The following TRPM1 variants were observed in gnomAD, a reference collection of about 807,000 sequenced individuals.
The protein encoded by TRPM1 is transient receptor potential cation channel subfamily M member 1.
TRPM1 carries 113 observed loss-of-function variants against 149.4 expected under a neutral mutation model. The observed-to-expected ratio is 0.76, with a 90% confidence interval of 0.65 to 0.88. TRPM1 has a LOEUF of 0.88. Ranked by LOEUF, TRPM1 falls within the 40% of genes least tolerant of loss-of-function variation. TRPM1 has a pLI of 0.00. For synonymous variants in TRPM1, 741 were observed against 759.5 expected, an observed-to-expected ratio of 0.98 and a Z score of 0.40; for missense variants, 1,976 against 2,038.7, an observed-to-expected ratio of 0.97 and a Z score of 0.59.
intron 25 of TRPM1, among the ~76,000 whole-genome samples, chr15:31,027,343 A>T (rs2032820535): frequency 6.6e-6 from 1 of 152,188 alleles, no homozygotes; most frequent in Non-Finnish European, 1.5e-5. Context: ...ATAAATTGCT[A>T]TGTACTGCTT....
chr15:31,141,885 C>A (rs552576951), intron 1 of TRPM1, among the ~76,000 whole-genome samples: 1 of 152,204 alleles, frequency 6.6e-6, no homozygotes, highest in South Asian at 2.1e-4. Flanking sequence ...TATTCAAGGC[C>A]AGTGCCCTGA....
chr15:31,026,839 G>C, intron 26 of TRPM1, 76 bp downstream of exon 26: 2 of 1,495,610 alleles, frequency 1.3e-6, no homozygotes, highest in Non-Finnish European at 1.9e-6. Flanking sequence ...AGTTGAGTGA[G>C]ATTTCTGTGA....
intron 27 of TRPM1, among the ~76,000 whole-genome samples, chr15:31,010,510 C>T (rs145984400): frequency 7.9e-5 from 12 of 152,166 alleles, no homozygotes; most frequent in African/African-American, 2.6e-4. Context: ...TCTAATTTCT[C>T]TTGTGATTTC....
rs1566980886 is a variant in TRPM1 at position 31,001,861 on chromosome 15, C to A, written c.4839G>T (p.Lys1613Asn). 1.2e-6 allele frequency: 2 copies of A among 1,613,416 alleles called. No individual in the cohort carries two copies. The highest frequency in any genetic ancestry group is 2.2e-5 in the South Asian group (2 of 91,012). The change falls in exon 28 of 28, where the codon AAG (lysine) becomes AAT (asparagine). Residue 1613 changes from lysine (K) to asparagine (N), a missense_variant. Physicochemically the swap from Lys to Asn is moderately conservative, Grantham distance 94 (BLOSUM62 0). Transcript: ENST00000256552. ...CTGTGGAAGCTTTCTCTTTCTTAAC[C>A]TTTTTTTCTTCTGCTGTCATTCCAG... ...IVSGMTAEEK[K>N]VKKEKASTET... is the part of the protein sequence containing the mutation.
intron 27 of TRPM1, among the ~76,000 whole-genome samples, chr15:31,010,827 A>C (rs2032158263): frequency 6.6e-6 from 1 of 152,166 alleles, no homozygotes; most frequent in Admixed American, 6.5e-5. Context: ...TTTCTTAATG[A>C]ACTTCTGTCT....
At chr15:31,003,147 A>G (rs1422585111) in intron 27 of TRPM1, 77 bp from the exon 28 acceptor site, 1 of 1,352,466 alleles carries the variant, frequency 7.4e-7, no homozygotes, top group African/African-American at 1.5e-5. Context: ...TGTCATTGCT[A>G]TGTGATTTTT....
intron 1 of TRPM1, among the ~76,000 whole-genome samples, chr15:31,149,798 C>T (rs371655705): frequency 4.6e-5 from 7 of 152,330 alleles, no homozygotes; most frequent in East Asian, 1.9e-4. Flanking sequence ...GGATTACAGG[C>T]GTGAGCCACG....
chr15:31,153,949 G>A (rs2036335583), intron 1 of TRPM1, among the ~76,000 whole-genome samples: 1 of 152,182 alleles, frequency 6.6e-6, no homozygotes, highest in African/African-American at 2.4e-5. Flanking sequence ...CAGGACTGGG[G>A]AGAGGATTGA....
intron 2 of TRPM1, among the ~76,000 whole-genome samples, chr15:31,081,135 C>T (rs766841183): frequency 6.6e-6 from 1 of 152,150 alleles, no homozygotes; most frequent in Non-Finnish European, 1.5e-5. Flanking sequence ...CCCCAGATTC[C>T]GAAAAGGAGG....
At chr15:31,077,329 G>A (rs2034724945) in intron 2 of TRPM1, among the ~76,000 whole-genome samples, 1 of 152,208 alleles carries the variant, frequency 6.6e-6, no homozygotes, top group Non-Finnish European at 1.5e-5. Context: ...CGTTAGGGGT[G>A]TGGCTCAGGG....
chr15:31,060,412 A>T lies in TRPM1; in HGVS notation c.1263+132T>A, dbSNP rs929618151. 3 of 782,174 alleles carry T rather than the reference A, an allele frequency of 3.8e-6. No homozygotes were observed. The African/African-American group carries it at 5.1e-5, about 13-fold the overall frequency. 48.5% of individuals were successfully genotyped at this position (782,174 alleles called of 1,614,324 possible). On this transcript the variant is annotated intron_variant, in intron 11 of 27. Coordinates refer to ENST00000256552, the MANE Select transcript of TRPM1 (RefSeq NM_001252024.2). ...AACAGTGACATCTTCTAATGAGCCT[A>T]ATAGATTACATATCATATCATCAGA...
chr15:31,110,464 G>C (rs1032105073), intron 1 of TRPM1, among the ~76,000 whole-genome samples: 5 of 152,178 alleles, frequency 3.3e-5, no homozygotes, highest in African/African-American at 1.2e-4. Context: ...TCCCCACTTG[G>C]AGGAAAATAA....
intron 1 of TRPM1, among the ~76,000 whole-genome samples, chr15:31,149,799 G>C (rs972749003): frequency 1.3e-5 from 2 of 152,214 alleles, no homozygotes; most frequent in African/African-American, 4.8e-5. Context: ...GATTACAGGC[G>C]TGAGCCACGG....
intron 1 of TRPM1, among the ~76,000 whole-genome samples, chr15:31,094,775 G>A (rs2035332706): frequency 6.6e-6 from 1 of 152,230 alleles, no homozygotes; most frequent in South Asian, 2.1e-4. Flanking sequence ...GACATTGCTG[G>A]TGAAAGTGTA....
intron 1 of TRPM1, among the ~76,000 whole-genome samples, chr15:31,159,347 C>T (rs2036416708): frequency 6.6e-6 from 1 of 152,158 alleles, no homozygotes; most frequent in African/African-American, 2.4e-5. Context: ...CAACAAAAGC[C>T]TGTTCCTTTT....
intron 11 of TRPM1, among the ~76,000 whole-genome samples, chr15:31,055,290 T>C (rs545449074): frequency 1.4e-4 from 22 of 152,296 alleles, no homozygotes; most frequent in African/African-American, 3.6e-4. Flanking sequence ...CCAGATACTA[T>C]TTAAATGACA....
chr15:31,126,600 T>C (rs2035954551), intron 1 of TRPM1, among the ~76,000 whole-genome samples: 1 of 150,732 alleles, frequency 6.6e-6, no homozygotes, highest in Non-Finnish European at 1.5e-5. Flanking sequence ...CAGTGTAGGC[T>C]GGGTGAGTTG....
intron 17 of TRPM1, 75 bp downstream of exon 17, chr15:31,041,876 G>A: frequency 3.9e-6 from 6 of 1,528,130 alleles, no homozygotes; most frequent in Non-Finnish European, 5.4e-6. Flanking sequence ...AAGTACATTG[G>A]CCACCCCTCC....
chr15:31,088,322 C>T (rs1007348373), intron 1 of TRPM1, among the ~76,000 whole-genome samples: 1 of 152,216 alleles, frequency 6.6e-6, no homozygotes, highest in African/African-American at 2.4e-5. Context: ...TGGCAATCCG[C>T]TCGGGTCTCC....
Sources: gnomAD v4.1 joint callset for allele counts (sites outside exome capture counted in the v4.1 genomes callset) on GRCh38, gnomAD v4.1.1 for gene constraint, MANE v1.5 for transcripts, NCBI Gene and HGNC (gene_info 2026-07-23, HGNC 2026-07-21) for gene names.